The following KLHL20 variants were observed in gnomAD, a reference collection of about 807,000 sequenced individuals.
The protein encoded by KLHL20 is kelch-like protein 20.
Under a neutral mutation model 69.5 loss-of-function variants are expected in KLHL20, and 29 were observed. The ratio of observed to expected loss-of-function variants is 0.42; its 90% confidence interval spans 0.31 to 0.57. The LOEUF (loss-of-function observed/expected upper bound fraction) is 0.57. Among genes scored for constraint, KLHL20 ranks in the 20% least tolerant of loss-of-function variants. The pLI, the probability that KLHL20 is intolerant of heterozygous loss-of-function variation, is 0.18. For missense variants in KLHL20, 419 were observed against 776.0 expected, an observed-to-expected ratio of 0.54 and a Z score of 5.47; for synonymous variants, 253 against 265.2, an observed-to-expected ratio of 0.95 and a Z score of 0.45.
intron 3 of KLHL20, among the ~76,000 whole-genome samples, chr1:173,740,693 C>A (rs1050522729): frequency 6.6e-6 from 1 of 151,904 alleles, no homozygotes; most frequent in South Asian, 2.1e-4. Context: ...CATGTATTTG[C>A]GTGGTTTTGA....
rs527504012 is a variant in KLHL20 at position 173,743,549 on chromosome 1, A to C, written c.598-8215A>C. Among the ~76,000 whole-genome samples, 337 of 152,046 alleles carry C rather than the reference A, an allele frequency of 2.2e-3. 1 individual carries two copies. Among genetic ancestry groups the C allele is most frequent in the African/African-American group, 7.9e-3 (327 of 41,520 alleles). ...CAAAGTGGTGATTTTAAAAAAAAAAAAACTCCATTTTCTGTCTACATTCTG... is the reference window on the plus strand; with the variant it reads ...CAAAGTGGTGATTTTAAAAAAAAAACAACTCCATTTTCTGTCTACATTCTG... On this transcript the variant is annotated intron_variant, in intron 3 of 11. Transcript: ENST00000209884.
At chr1:173,753,355 T>G (rs1279067627) in intron 5 of KLHL20, 48 bp downstream of exon 5, 4 of 1,358,144 alleles carry the variant, frequency 2.9e-6, no homozygotes, top group Non-Finnish European at 4.2e-6. Context: ...GCATTCCTAT[T>G]TTTTCCTAAT....
chr1:173,740,666 G>C (rs553043118), intron 3 of KLHL20, among the ~76,000 whole-genome samples: 1 of 151,942 alleles, frequency 6.6e-6, no homozygotes, highest in African/African-American at 2.4e-5. Context: ...CATTTCAGGA[G>C]CAGGTTATTT....
At chr1:173,761,057 G>A (rs1403642661) in intron 7 of KLHL20, among the ~76,000 whole-genome samples, 2 of 152,070 alleles carry the variant, frequency 1.3e-5, no homozygotes, top group African/African-American at 4.8e-5. Flanking sequence ...TAATGCAAAT[G>A]GACACCAAAA....
intron 2 of KLHL20, among the ~76,000 whole-genome samples, chr1:173,721,662 G>A (rs1013848499): frequency 2.0e-5 from 3 of 152,234 alleles, no homozygotes; most frequent in Admixed American, 6.5e-5. Context: ...CCAATAAGCC[G>A]TGATGAGATG....
intron 9 of KLHL20, 52 bp downstream of exon 9, chr1:173,774,490 G>A: frequency 6.2e-7 from 1 of 1,602,040 alleles, no homozygotes; most frequent in Non-Finnish European, 8.5e-7. Flanking sequence ...ACATTTTCCT[G>A]GAGAGTCCTC....
intron 2 of KLHL20, among the ~76,000 whole-genome samples, chr1:173,731,983 G>T (rs997915184): frequency 6.6e-6 from 1 of 151,956 alleles, no homozygotes; most frequent in African/African-American, 2.4e-5. Flanking sequence ...GGATCACGAG[G>T]TCAGGAGATC....
chr1:173,764,946 A>G (rs1183499940), intron 7 of KLHL20, among the ~76,000 whole-genome samples: 2 of 152,198 alleles, frequency 1.3e-5, no homozygotes, highest in African/African-American at 4.8e-5. Context: ...CTAAATATTT[A>G]TGCCTTAACA....
At chr1:173,729,186 C>A (rs1338095389) in intron 2 of KLHL20, among the ~76,000 whole-genome samples, 1 of 152,174 alleles carries the variant, frequency 6.6e-6, no homozygotes, top group Non-Finnish European at 1.5e-5. Context: ...GAAGTTGAAT[C>A]TCTGAATAGA....
chr1:173,740,678 A>AT (rs1441906760), intron 3 of KLHL20, among the ~76,000 whole-genome samples: 4 of 151,476 alleles, frequency 2.6e-5, no homozygotes, highest in African/African-American at 9.7e-5. Context: ...AGGTTATTTA[A>AT]TTTCCATGTA....
At position 173,785,392 on chromosome 1, in the gene KLHL20, C is replaced by T. The variant is rs773619413; in HGVS notation, c.*145C>T. 11 of 427,302 alleles carry T rather than the reference C, an allele frequency of 2.6e-5. No individual in the cohort carries two copies. The Admixed American group carries it at 4.0e-4, about 16-fold the overall frequency. The allele number at this position is 427,302 out of a possible 1,614,324, so 26.5% of individuals were successfully genotyped here. ...ATGGAAATACAATCCAATGAAAGTA[C>T]TTCACCTGCAAGATGCACAATAATT... On this transcript the variant is annotated 3_prime_UTR_variant, in exon 12 of 12. Coordinates refer to ENST00000209884, the MANE Select transcript of KLHL20 (RefSeq NM_014458.4).
chr1:173,784,626 G>A (rs1486310129), intron 11 of KLHL20, among the ~76,000 whole-genome samples: 1 of 152,114 alleles, frequency 6.6e-6, no homozygotes, highest in Non-Finnish European at 1.5e-5. Flanking sequence ...CTTCTCCATG[G>A]AAAGTCCTTA....
chr1:173,732,778 ACCT>A (rs1672346846), intron 2 of KLHL20, among the ~76,000 whole-genome samples: 2 of 152,058 alleles, frequency 1.3e-5, no homozygotes, highest in African/African-American at 4.8e-5. Flanking sequence ...TCATACCGAA[ACCT>A]CAGTGATTCA....
chr1:173,739,617 A>G lies in KLHL20; in HGVS notation c.597+5331A>G, dbSNP rs559526474. On this transcript the variant is annotated intron_variant, in intron 3 of 11. Coordinates refer to ENST00000209884, the MANE Select transcript of KLHL20 (RefSeq NM_014458.4). Reference sequence around the variant, plus strand: ...ATAGTAGCCTTGAGTTATCTTTTGTATTTCTGTGGTATCGGTTGTAATATC... The same window carrying G: ...ATAGTAGCCTTGAGTTATCTTTTGTGTTTCTGTGGTATCGGTTGTAATATC... Among the ~76,000 whole-genome samples, 57 of 119,944 alleles carry G rather than the reference A, an allele frequency of 4.8e-4. No individual in the cohort carries two copies. The South Asian group carries it at 0.012, about 25-fold the overall frequency. 78.7% of individuals were successfully genotyped at this position (119,944 alleles called of 152,430 possible).
At chr1:173,777,456 C>T (rs1237816229) in intron 10 of KLHL20, among the ~76,000 whole-genome samples, 3 of 152,102 alleles carry the variant, frequency 2.0e-5, no homozygotes, top group Non-Finnish European at 4.4e-5. Flanking sequence ...TACTGAATAA[C>T]AGTGGTGAAA....
At chr1:173,733,514 G>C (rs996851903) in intron 2 of KLHL20, among the ~76,000 whole-genome samples, 199 bp from the exon 3 acceptor site, 7 of 151,992 alleles carry the variant, frequency 4.6e-5, no homozygotes, top group Non-Finnish European at 1.0e-4. Context: ...TTGGGAGGTG[G>C]AGGCAACAGG....
At chr1:173,728,310 C>T (rs924572401) in intron 2 of KLHL20, among the ~76,000 whole-genome samples, 2 of 152,160 alleles carry the variant, frequency 1.3e-5, no homozygotes, top group African/African-American at 4.8e-5. Context: ...TTTAACACCC[C>T]ACTGTCAACA....
At chr1:173,769,819 C>G (rs1009757017) in intron 8 of KLHL20, among the ~76,000 whole-genome samples, 4 of 150,666 alleles carry the variant, frequency 2.7e-5, no homozygotes, top group African/African-American at 9.8e-5. Context: ...ATACCCCATT[C>G]TTTATGATGT....
chr1:173,784,331 G>A (rs1649070878), intron 11 of KLHL20, among the ~76,000 whole-genome samples: 1 of 152,150 alleles, frequency 6.6e-6, no homozygotes, highest in Non-Finnish European at 1.5e-5. Context: ...GCCTCTCACT[G>A]GCAGGATATT....
Sources: gnomAD v4.1 joint callset for allele counts (sites outside exome capture counted in the v4.1 genomes callset) on GRCh38, gnomAD v4.1.1 for gene constraint, MANE v1.5 for transcripts, NCBI Gene and HGNC (gene_info 2026-07-23, HGNC 2026-07-21) for gene names.